TCF7L2: variants seen among roughly 807,000 people sequenced by gnomAD.
TCF7L2 encodes transcription factor 7-like 2.
Under a neutral mutation model 77.9 loss-of-function variants are expected in TCF7L2, and 23 were observed. The observed-to-expected ratio is 0.30, with a 90% CI of 0.21 to 0.42. TCF7L2 has a LOEUF of 0.42. Among genes scored for constraint, TCF7L2 ranks in the 10% least tolerant of loss-of-function variants. TCF7L2 has a pLI of 1.00. For synonymous variants in TCF7L2, 413 were observed against 340.2 expected, an observed-to-expected ratio of 1.21 and a Z score of -2.36; for missense variants, 654 against 793.1, an observed-to-expected ratio of 0.82 and a Z score of 2.11.
At chr10:113,028,090 G>A (rs1461211450) in intron 4 of TCF7L2, among the ~76,000 whole-genome samples, 1 of 152,198 alleles carries the variant, frequency 6.6e-6, no homozygotes, top group Non-Finnish European at 1.5e-5. Flanking sequence ...GGGCCGGGAT[G>A]GTCTAGCAGA....
At chr10:113,129,549 T>C (rs1333119173) in intron 5 of TCF7L2, 2 of 1,013,168 alleles carry the variant, frequency 2.0e-6, no homozygotes, top group East Asian at 2.2e-4. Context: ...ATTAGTGGAC[T>C]TTTTTGTTTT....
intron 4 of TCF7L2, among the ~76,000 whole-genome samples, chr10:112,973,685 G>A (rs953429209): frequency 3.9e-5 from 6 of 152,126 alleles, no homozygotes; most frequent in Admixed American, 6.5e-5. Context: ...TGCCTCCTGG[G>A]TTCAAGCTGT....
At chr10:113,042,072 G>C (rs1340359147) in intron 5 of TCF7L2, among the ~76,000 whole-genome samples, 1 of 152,166 alleles carries the variant, frequency 6.6e-6, no homozygotes, top group Non-Finnish European at 1.5e-5. Flanking sequence ...TGTCCATTTG[G>C]ATAGAGCAAA....
chr10:113,029,487 G>A (rs1459623256), intron 4 of TCF7L2, among the ~76,000 whole-genome samples: 3 of 150,712 alleles, frequency 2.0e-5, no homozygotes, highest in Non-Finnish European at 4.4e-5. Flanking sequence ...CTATGGTGGA[G>A]TGTGTGTGTA....
At chr10:113,064,206 A>G (rs1337936086) in intron 5 of TCF7L2, among the ~76,000 whole-genome samples, 2 of 152,150 alleles carry the variant, frequency 1.3e-5, no homozygotes, top group Non-Finnish European at 2.9e-5. Flanking sequence ...CTTTCACTCA[A>G]GCTAGCCGGA....
At chr10:113,009,832 G>C (rs895894557) in intron 4 of TCF7L2, among the ~76,000 whole-genome samples, 3 of 152,210 alleles carry the variant, frequency 2.0e-5, no homozygotes, top group Admixed American at 6.5e-5. Context: ...GTCTCAAGGG[G>C]AGAGGTAAGG....
chr10:113,166,167 G>A lies in TCF7L2; in HGVS notation c.*195G>A. 2 of 471,050 alleles carry A rather than the reference G, an allele frequency of 4.2e-6. No homozygotes were observed. Among genetic ancestry groups the A allele is most frequent in the Non-Finnish European group, 6.8e-6 (2 of 292,034 alleles). 29.2% of individuals were successfully genotyped at this position (471,050 alleles called of 1,614,324 possible). A position where few individuals can be genotyped will look rare whatever the true frequency, so the allele number is the denominator to read the frequency against. On this transcript the variant is annotated 3_prime_UTR_variant, in exon 14 of 14. Coordinates refer to ENST00000627217, the MANE Select transcript of TCF7L2 (RefSeq NM_001146274.2). ...TATTTCAATTTCTCCTTTTAAATAT[G>A]TAGATGAGAGAAGAACCTCATGATT... is the stretch of plus-strand genomic sequence containing the variant.
rs2070688884 is a variant in TCF7L2, at chr10:113,151,239, C to T, written c.1001+116C>T. The T allele has an allele frequency of 5.3e-5, 74 of 1,394,506 alleles. No homozygotes were observed. The South Asian group carries it at 8.8e-4, about 17-fold the overall frequency. 86.4% of individuals were successfully genotyped at this position (1,394,506 alleles called of 1,614,324 possible). A position where few individuals can be genotyped will look rare whatever the true frequency, so the allele number is the denominator to read the frequency against. ...TGGCCTCGTTTGGTTTGACTGCAGC[C>T]AATACCCAGCCTGTGTGGGCTCTTC... On this transcript the variant is annotated intron_variant, in intron 9 of 13. Transcript: ENST00000627217. The surrounding 1 kb of genome is among the most constrained non-coding windows in gnomAD (Gnocchi z 5.2).
intron 5 of TCF7L2, among the ~76,000 whole-genome samples, chr10:113,095,087 CAG>C (rs1258729871): frequency 1.3e-5 from 2 of 152,124 alleles, no homozygotes; most frequent in African/African-American, 4.8e-5. Flanking sequence ...GCCTGGGTGA[CAG>C]AGCAAGACTC....
rs2074024054 is a variant in TCF7L2 at position 113,165,989 on chromosome 10, C to A, written c.*17C>A. ...TTAGAATAGCTTTAGCGTCGTGAACCCCGCTGCTTTGTTTATGGTTTTGTT... is the reference window on the plus strand; with the variant it reads ...TTAGAATAGCTTTAGCGTCGTGAACACCGCTGCTTTGTTTATGGTTTTGTT... On this transcript the variant is annotated 3_prime_UTR_variant, in exon 14 of 14. Coordinates refer to ENST00000627217, the MANE Select transcript of TCF7L2 (RefSeq NM_001146274.2). 1 of 1,468,842 alleles carries A rather than the reference C, an allele frequency of 6.8e-7. No homozygotes were observed. Among genetic ancestry groups the A allele is most frequent in the Non-Finnish European group, 9.0e-7 (1 of 1,107,366 alleles). The allele number at this position is 1,468,842 out of a possible 1,614,324, so 91.0% of individuals were successfully genotyped here.
At chr10:113,105,141 C>T (rs533130178) in intron 5 of TCF7L2, among the ~76,000 whole-genome samples, 1 of 152,256 alleles carries the variant, frequency 6.6e-6, no homozygotes, top group Non-Finnish European at 1.5e-5. Flanking sequence ...GACAGGGACT[C>T]CAGCTTTTGG....
In TCF7L2 at chr10:112,992,996, C is replaced by T. The variant is rs1006597438; in HGVS notation, c.450+28372C>T. Among the ~76,000 whole-genome samples, 3 of 152,120 alleles carry T rather than the reference C, an allele frequency of 2.0e-5. No homozygotes were observed. The East Asian group carries it at 5.9e-4, about 30-fold the overall frequency. On this transcript the variant is annotated intron_variant, in intron 4 of 13. Transcript: ENST00000627217. ...GCCAGGCTGGTCTTGAACTCCTGACCTCATAATCCACCCGCCTCGGCCTCC... is the reference window on the plus strand; with the variant it reads ...GCCAGGCTGGTCTTGAACTCCTGACTTCATAATCCACCCGCCTCGGCCTCC...
Position 113,166,134 on chromosome 10 carries a change from C to G in TCF7L2, c.*162C>G. ...ATCGAGTTCATTGGTCAATATTTGA[C>G]CCATTCTTATTTCAATTTCTCCTTT... On this transcript the variant is annotated 3_prime_UTR_variant, in exon 14 of 14. Coordinates refer to ENST00000627217, the MANE Select transcript of TCF7L2 (RefSeq NM_001146274.2). The G allele has an allele frequency of 1.7e-6, 1 of 590,878 alleles. No individual in the cohort carries two copies. The highest frequency in any genetic ancestry group is 2.5e-6 in the Non-Finnish European group (1 of 399,488). 36.6% of individuals were successfully genotyped at this position (590,878 alleles called of 1,614,324 possible).
At chr10:113,005,413 C>A (rs531635271) in intron 4 of TCF7L2, among the ~76,000 whole-genome samples, 1 of 152,296 alleles carries the variant, frequency 6.6e-6, no homozygotes, top group Admixed American at 6.5e-5. Context: ...TCACTGTAGG[C>A]AGGGAGCATG....
intron 7 of TCF7L2, among the ~76,000 whole-genome samples, chr10:113,144,768 T>G (rs1201024239): frequency 2.0e-5 from 3 of 152,312 alleles, no homozygotes; most frequent in Non-Finnish European, 2.9e-5. Flanking sequence ...CCCAGATTAT[T>G]TGACTAACTT....
At chr10:113,140,485 G>T (rs368672504) in intron 5 of TCF7L2, among the ~76,000 whole-genome samples, 1 of 152,090 alleles carries the variant, frequency 6.6e-6, no homozygotes, top group African/African-American at 2.4e-5. Flanking sequence ...ATGTATTAGC[G>T]TTCCCGGATG....
chr10:113,090,833 C>T (rs2060315217), intron 5 of TCF7L2, among the ~76,000 whole-genome samples: 1 of 152,156 alleles, frequency 6.6e-6, no homozygotes, highest in African/African-American at 2.4e-5. Flanking sequence ...TGGTCTCGAT[C>T]TCCTGACCTC....
At position 113,166,032 on chromosome 10, in the gene TCF7L2, C is replaced by A. The variant is rs1318542093; in HGVS notation, c.*60C>A. ...GTTTTGTTTCACTTTTCTTAATTTG[C>A]CCCCCACCCCCACCTTGAAAGGTTT... On this transcript the variant is annotated 3_prime_UTR_variant, in exon 14 of 14. Transcript: ENST00000627217. 1.0e-5 allele frequency: 14 copies of A among 1,396,798 alleles called. No individual in the cohort carries two copies. Among genetic ancestry groups the A allele is most frequent in the Non-Finnish European group, 1.3e-5 (14 of 1,064,562 alleles). The allele number at this position is 1,396,798 out of a possible 1,614,324, so 86.5% of individuals were successfully genotyped here.
At chr10:113,101,580 C>A (rs1284536493) in intron 5 of TCF7L2, among the ~76,000 whole-genome samples, 2 of 151,820 alleles carry the variant, frequency 1.3e-5, no homozygotes, top group Non-Finnish European at 2.9e-5. Context: ...CGGTGGCTCA[C>A]GCCTGTAATC....
Sources: gnomAD v4.1 joint callset for allele counts (sites outside exome capture counted in the v4.1 genomes callset) on GRCh38, gnomAD v4.1.1 for gene constraint, Gnocchi (gnomAD v3.1) non-coding constraint, MANE v1.5 for transcripts, NCBI Gene and HGNC (gene_info 2026-07-23, HGNC 2026-07-21) for gene names.